The following PPM1L variants were observed in gnomAD, a reference collection of about 807,000 sequenced individuals.
The protein encoded by PPM1L is protein phosphatase 1L.
Under a neutral mutation model 31.4 loss-of-function variants are expected in PPM1L, and 13 were observed. That is an observed-to-expected ratio of 0.41 (90% CI 0.27 to 0.66). The LOEUF is 0.66. Among genes scored for constraint, PPM1L ranks in the 30% least tolerant of loss-of-function variants. The pLI is 0.29. For synonymous variants in PPM1L, 184 were observed against 175.4 expected (o/e 1.05, Z -0.39); for missense variants, 326 against 453.7 (o/e 0.72, Z 2.56).
At chr3:160,834,245 G>A (rs1327578333) in intron 1 of PPM1L, among the ~76,000 whole-genome samples, 8 of 151,748 alleles carry the variant, frequency 5.3e-5, no homozygotes, top group African/African-American at 7.3e-5. Flanking sequence ...GGGTGATCTC[G>A]ATCTCCTGAC....
intron 1 of PPM1L, among the ~76,000 whole-genome samples, chr3:160,912,034 G>C (rs187746295): frequency 6.6e-6 from 1 of 152,312 alleles, no homozygotes; most frequent in East Asian, 1.9e-4. Context: ...TAGTGAGAAA[G>C]GAGAGTTAGG....
chr3:160,775,695 A>G (rs997902911), intron 1 of PPM1L, among the ~76,000 whole-genome samples: 2 of 152,224 alleles, frequency 1.3e-5, no homozygotes, highest in African/African-American at 4.8e-5. Context: ...TGCCATTGAG[A>G]AGGTGGTTCA....
intron 1 of PPM1L, among the ~76,000 whole-genome samples, chr3:160,811,647 G>A (rs1029331467): frequency 2.0e-4 from 31 of 152,212 alleles, no homozygotes; most frequent in African/African-American, 6.8e-4. Context: ...GGTTAGCACA[G>A]TGGAAGTGTG....
intron 2 of PPM1L, among the ~76,000 whole-genome samples, chr3:160,963,481 A>G (rs902387360): frequency 2.3e-4 from 35 of 152,178 alleles, no homozygotes; most frequent in African/African-American, 7.7e-4. Flanking sequence ...CTTTAGAGAA[A>G]AATTTCTGAG....
At chr3:161,030,725 C>T (rs1718539558) in intron 2 of PPM1L, among the ~76,000 whole-genome samples, 1 of 152,132 alleles carries the variant, frequency 6.6e-6, no homozygotes. Flanking sequence ...CATATATCTC[C>T]TTCCCCATAG....
At chr3:160,899,032 A>G (rs1257618409) in intron 1 of PPM1L, among the ~76,000 whole-genome samples, 2 of 152,154 alleles carry the variant, frequency 1.3e-5, no homozygotes, top group Non-Finnish European at 2.9e-5. Context: ...AGTGTTCATA[A>G]TAGCTTTCCT....
chr3:160,777,060 T>C lies in PPM1L; in HGVS notation c.399+20353T>C, dbSNP rs191952259. ...AATTTCTGCTGGGCATGGTGGCTCA[T>C]GCCTGTAACCTTAGCACTTTGGGAG... On this transcript the variant is annotated intron_variant, in intron 1 of 3. Transcript: ENST00000498165. Among the ~76,000 whole-genome samples the C allele has an allele frequency of 2.6e-5, 4 of 152,120 alleles. No homozygotes were observed. The East Asian group carries it at 5.8e-4, about 22-fold the overall frequency.
intron 2 of PPM1L, among the ~76,000 whole-genome samples, chr3:161,011,947 A>G (rs1219363661): frequency 2.0e-5 from 3 of 152,212 alleles, no homozygotes; most frequent in African/African-American, 4.8e-5. Context: ...TAAATATACA[A>G]TCATGTCACC....
At chr3:160,808,320 T>TGC (rs1553808311) in intron 1 of PPM1L, among the ~76,000 whole-genome samples, 4 of 142,438 alleles carry the variant, frequency 2.8e-5, no homozygotes, top group East Asian at 2.0e-4. Context: ...TGTGTGTGTG[T>TGC]GCGTGCATGT....
intron 2 of PPM1L, among the ~76,000 whole-genome samples, chr3:161,003,965 T>C (rs1329103735): frequency 2.7e-5 from 4 of 149,462 alleles, no homozygotes; most frequent in African/African-American, 1.0e-4. Flanking sequence ...AGTATGATAT[T>C]GGCTGTGGGT....
intron 1 of PPM1L, among the ~76,000 whole-genome samples, chr3:160,908,071 T>G (rs1713822950): frequency 6.6e-6 from 1 of 152,158 alleles, no homozygotes; most frequent in Admixed American, 6.5e-5. Flanking sequence ...AGAAAGAAGT[T>G]TTTTTAATTC....
chr3:160,840,807 G>C lies in PPM1L; in HGVS notation c.399+84100G>C, dbSNP rs1019253625. ...GAGAGAGGAGAGAGAGAGAGAAAGA[G>C]AGAGAAGGAGAGAGAGAGAGAAAGA... On this transcript the variant is annotated intron_variant, in intron 1 of 3. Transcript: ENST00000498165. Among the ~76,000 whole-genome samples the C allele has an allele frequency of 5.3e-5, 8 of 151,762 alleles. 1 individual carries two copies. The highest frequency in any genetic ancestry group is 1.5e-5 in the Non-Finnish European group (1 of 67,938).
At chr3:160,954,924 T>TTTCCTTCC (rs796768427) in intron 1 of PPM1L, among the ~76,000 whole-genome samples, 26 of 86,012 alleles carry the variant, frequency 3.0e-4, no homozygotes, top group Non-Finnish European at 4.7e-4. Flanking sequence ...TCCTTCCTTC[T>TTTCCTTCC]TTCCTTCCTT....
intron 1 of PPM1L, among the ~76,000 whole-genome samples, chr3:160,955,720 G>A (rs1016950575): frequency 1.3e-4 from 19 of 148,654 alleles, no homozygotes; most frequent in South Asian, 2.1e-4. Flanking sequence ...GTGCAATTTC[G>A]GCTCACTGCA....
chr3:160,999,058 A>G (rs1411713138), intron 2 of PPM1L, among the ~76,000 whole-genome samples: 1 of 152,178 alleles, frequency 6.6e-6, no homozygotes, highest in Non-Finnish European at 1.5e-5. Context: ...CAATAAATGC[A>G]ATTTTGGTGC....
intron 2 of PPM1L, among the ~76,000 whole-genome samples, chr3:161,060,039 T>A (rs1426013341): frequency 6.6e-6 from 1 of 152,136 alleles, no homozygotes; most frequent in Non-Finnish European, 1.5e-5. Flanking sequence ...AGTGTAAGAA[T>A]GGACTAATAT....
rs6792130 is a variant in PPM1L, at chr3:161,032,785, C to T, written c.575-32618C>T. ...TCAGCTCACTGCAACCTCCGCCTCC[C>T]GGGTTCAAGTGATTCTCCTGCCTCA... On this transcript the variant is annotated intron_variant, in intron 2 of 3. Transcript: ENST00000498165. Among the ~76,000 whole-genome samples, 1,403 of 151,574 alleles carry T rather than the reference C, an allele frequency of 9.3e-3. 21 individuals carry two copies. Among genetic ancestry groups the T allele is most frequent in the African/African-American group, 0.032 (1,337 of 41,304 alleles).
chr3:160,922,973 A>G (rs1714465009), intron 1 of PPM1L, among the ~76,000 whole-genome samples: 1 of 152,218 alleles, frequency 6.6e-6, no homozygotes, highest in Admixed American at 6.5e-5. Flanking sequence ...GCCAACGAAT[A>G]AACTACTAAT....
intron 1 of PPM1L, among the ~76,000 whole-genome samples, chr3:160,938,680 C>T (rs775642764): frequency 1.3e-5 from 2 of 152,138 alleles, no homozygotes; most frequent in Non-Finnish European, 2.9e-5. Context: ...ATCTTCTAAT[C>T]CAATCCCTTT....
Sources: gnomAD v4.1 joint callset for allele counts (sites outside exome capture counted in the v4.1 genomes callset) on GRCh38, gnomAD v4.1.1 for gene constraint, MANE v1.5 for transcripts, NCBI Gene and HGNC (gene_info 2026-07-23, HGNC 2026-07-21) for gene names.